GTF2H3: variants seen among roughly 807,000 people sequenced by gnomAD.
GTF2H3 encodes general transcription factor IIH subunit 3.
GTF2H3 carries 42 observed loss-of-function variants against 51.1 expected under a neutral mutation model. The observed-to-expected ratio is 0.82, with a 90% CI of 0.64 to 1.06. The LOEUF (loss-of-function observed/expected upper bound fraction) is 1.06. Ranked by LOEUF, GTF2H3 falls within the 50% of genes least tolerant of loss-of-function variation. The pLI is 0.00. For missense variants in GTF2H3, 326 were observed against 366.1 expected, an observed-to-expected ratio of 0.89 and a Z score of 0.89; for synonymous variants, 123 against 123.8, an observed-to-expected ratio of 0.99 and a Z score of 0.04.
chr12:123,641,134 A>G (rs1355513095), intron 2 of GTF2H3, among the ~76,000 whole-genome samples: 2 of 152,196 alleles, frequency 1.3e-5, no homozygotes, highest in Non-Finnish European at 2.9e-5. Flanking sequence ...CCTGGGAGAC[A>G]GAGCAAGACC....
chr12:123,646,612 A>G (rs1955449771), intron 3 of GTF2H3, among the ~76,000 whole-genome samples: 3 of 152,090 alleles, frequency 2.0e-5, no homozygotes, highest in South Asian at 4.1e-4. Context: ...TTGCTCACCA[A>G]CATATTTCAT....
intron 5 of GTF2H3, 31 bp from the exon 6 acceptor site, chr12:123,652,501 T>C: frequency 1.7e-6 from 2 of 1,207,232 alleles, no homozygotes; most frequent in South Asian, 1.4e-5. Flanking sequence ...CAAAATAATA[T>C]TTTTGTATTC....
intron 6 of GTF2H3, 24 bp downstream of exon 6, chr12:123,652,585 A>C (rs1464280795): frequency 1.9e-5 from 28 of 1,509,532 alleles, no homozygotes; most frequent in Non-Finnish European, 2.4e-5. Flanking sequence ...TTTTCCTATG[A>C]GAACTGTAAT....
chr12:123,638,312 C>G (rs1017602389), intron 1 of GTF2H3, among the ~76,000 whole-genome samples: 1 of 151,884 alleles, frequency 6.6e-6, no homozygotes, highest in Admixed American at 6.6e-5. Flanking sequence ...GTGCTTGCCA[C>G]CAAACCCAGC....
At chr12:123,651,864 T>A (rs1593808171) in intron 5 of GTF2H3, among the ~76,000 whole-genome samples, 2 of 151,252 alleles carry the variant, frequency 1.3e-5, no homozygotes, top group African/African-American at 4.9e-5. Flanking sequence ...AAACTGGAAG[T>A]GGGGAAGAGT....
In GTF2H3 at chr12:123,652,705, A is replaced by G. The variant is rs1955533863; in HGVS notation, c.458-2A>G. 5 of 1,527,610 alleles carry G rather than the reference A, an allele frequency of 3.3e-6. No homozygotes were observed. Among genetic ancestry groups the G allele is most frequent in the Non-Finnish European group, 4.4e-6 (5 of 1,123,634 alleles). The allele number at this position is 1,527,610 out of a possible 1,614,324, so 94.6% of individuals were successfully genotyped here. On this transcript the variant is annotated splice_acceptor_variant, in intron 6 of 12. Coordinates refer to ENST00000543341, the MANE Select transcript of GTF2H3 (RefSeq NM_001516.5). LOFTEE classifies it high-confidence loss of function. Reference sequence around the variant, plus strand: ...TTTTTTTCTGCTTTTTTCTCTTTGTAGACAATCAGGAAATGAAATCAAGGA... The same window carrying G: ...TTTTTTTCTGCTTTTTTCTCTTTGTGGACAATCAGGAAATGAAATCAAGGA...
chr12:123,636,241 A>G (rs972891016), intron 1 of GTF2H3, among the ~76,000 whole-genome samples: 3 of 152,162 alleles, frequency 2.0e-5, no homozygotes, highest in Non-Finnish European at 2.9e-5. Flanking sequence ...TCAGGGTGGA[A>G]TGGGATTTTG....
chr12:123,647,459 G>A (rs957269838), intron 3 of GTF2H3, among the ~76,000 whole-genome samples: 10 of 151,714 alleles, frequency 6.6e-5, no homozygotes, highest in African/African-American at 1.7e-4. Context: ...GCGACACAGC[G>A]AGACTGTGTC....
At chr12:123,641,825 ATTCT>A (rs1298411735) in intron 2 of GTF2H3, among the ~76,000 whole-genome samples, 2 of 151,770 alleles carry the variant, frequency 1.3e-5, no homozygotes, top group Non-Finnish European at 2.9e-5. Flanking sequence ...GATTTGATTA[ATTCT>A]TCTGTATATT....
intron 5 of GTF2H3, among the ~76,000 whole-genome samples, chr12:123,652,157 G>C (rs113833712): frequency 6.9e-4 from 105 of 152,278 alleles, no homozygotes; most frequent in Middle Eastern, 3.4e-3. Flanking sequence ...ATTTTTTGGA[G>C]GAGGGGCAGT....
Position 123,641,370 on chromosome 12 carries a change from C to T in GTF2H3, c.93+2027C>T, listed in dbSNP as rs1028439934. Among the ~76,000 whole-genome samples, 7 of 151,710 alleles carry T rather than the reference C, an allele frequency of 4.6e-5. No homozygotes were observed. The East Asian group carries it at 1.4e-3, about 29-fold the overall frequency. On this transcript the variant is annotated intron_variant, in intron 2 of 12. Coordinates refer to ENST00000543341, the MANE Select transcript of GTF2H3 (RefSeq NM_001516.5). ...TCTCCCAAGTAGCTGGGACCACAGG[C>T]GTGTACCACCACGCCTGGCTAATTT... is the stretch of plus-strand genomic sequence containing the variant.
chr12:123,652,740 G>A lies in GTF2H3; in HGVS notation c.486+5G>A, dbSNP rs769522846. ...GAAATGAAATCAAGGATATTGGTAA[G>A]ATAAAAAAATCATTACTTTTTTATA... On this transcript the variant is annotated splice_donor_5th_base_variant and intron_variant, in intron 7 of 12. Coordinates refer to ENST00000543341, the MANE Select transcript of GTF2H3 (RefSeq NM_001516.5). 4 of 1,485,514 alleles carry A rather than the reference G, an allele frequency of 2.7e-6. No homozygotes were observed. In the South Asian group the frequency reaches 5.1e-5, roughly 19 times the overall value. The allele number at this position is 1,485,514 out of a possible 1,614,324, so 92.0% of individuals were successfully genotyped here.
At chr12:123,639,898 C>CGTGT (rs11572934) in intron 2 of GTF2H3, 190,499 of 449,496 alleles carry the variant, frequency 0.42, 43,661 homozygotes, top group African/African-American at 0.66. Flanking sequence ...TGCGTGCGTG[C>CGTGT]GTGTATGTGT....
At chr12:123,647,471 CAA>C (rs1221596131) in intron 3 of GTF2H3, among the ~76,000 whole-genome samples, 2 of 134,572 alleles carry the variant, frequency 1.5e-5, no homozygotes, top group African/African-American at 5.4e-5. Context: ...GACTGTGTCT[CAA>C]AAAAAAAAAG....
At chr12:123,634,313 G>C (rs1020426309) in intron 1 of GTF2H3, among the ~76,000 whole-genome samples, 5 of 152,124 alleles carry the variant, frequency 3.3e-5, no homozygotes. Context: ...GTGGTAGCGC[G>C]TGTCTGTGGT....
At chr12:123,659,971 G>C in intron 11 of GTF2H3, 41 bp downstream of exon 11, 4 of 1,604,668 alleles carry the variant, frequency 2.5e-6, no homozygotes, top group Non-Finnish European at 2.5e-6. Flanking sequence ...TTCTATGTTG[G>C]GGGGCAGGAA....
chr12:123,659,658 G>A, intron 10 of GTF2H3, 74 bp downstream of exon 10: 6 of 1,519,466 alleles, frequency 3.9e-6, no homozygotes, highest in Admixed American at 1.7e-5. Context: ...AGGAATGGAA[G>A]CAAGATGGCT....
In GTF2H3 at chr12:123,659,903, G is replaced by T. The variant is rs373454118; in HGVS notation, c.793G>T (p.Gly265Cys). The T allele has an allele frequency of 1.0e-4, 169 of 1,613,906 alleles. No homozygotes were observed. The highest frequency in any genetic ancestry group is 1.4e-4 in the Non-Finnish European group (163 of 1,180,002). ...CTGTCATCGAAATCTCATTGAAATTGGTTATGTCTGTTCTGTGTGTTTGTC... is the reference window on the plus strand; with the variant it reads ...CTGTCATCGAAATCTCATTGAAATTTGTTATGTCTGTTCTGTGTGTTTGTC... ...CFCHRNLIEI[G>C]YVCSVCLSIF... Residue 265 changes from glycine to cysteine, a missense_variant, in exon 11 of 13, where the codon GGT (glycine) becomes TGT (cysteine). Transcript: ENST00000543341.
intron 1 of GTF2H3, among the ~76,000 whole-genome samples, chr12:123,637,663 C>T (rs932252253): frequency 2.6e-5 from 4 of 151,880 alleles, no homozygotes; most frequent in Admixed American, 6.6e-5. Context: ...CCACCATGCC[C>T]GGCTAATATT....
Sources: gnomAD v4.1 joint callset for allele counts (sites outside exome capture counted in the v4.1 genomes callset) on GRCh38, gnomAD v4.1.1 for gene constraint, MANE v1.5 for transcripts, NCBI Gene and HGNC (gene_info 2026-07-23, HGNC 2026-07-21) for gene names.